DET1: variants seen among roughly 807,000 people sequenced by gnomAD.
DET1 encodes DET1 partner of COP1 E3 ubiquitin ligase, also known as DET1 homolog.
A neutral mutation model predicts 43.7 loss-of-function variants in DET1; 22 were observed. The observed-to-expected ratio is 0.50, with a 90% CI of 0.36 to 0.72. DET1 has a LOEUF of 0.72. Among genes scored for constraint, DET1 ranks in the 30% least tolerant of loss-of-function variants. DET1 has a pLI of 0.00. For synonymous variants in DET1, 315 were observed against 266.2 expected, an observed-to-expected ratio of 1.18 and a Z score of -1.79; for missense variants, 713 against 713.3, an observed-to-expected ratio of 1.00 and a Z score of 0.00.
chr15:88,539,102 TC>T (rs2057026846), intron 1 of DET1, among the ~76,000 whole-genome samples: 3 of 151,820 alleles, frequency 2.0e-5, no homozygotes, highest in Non-Finnish European at 4.4e-5. Flanking sequence ...CCGCTCTCTC[TC>T]TCTCTCTCTC....
At position 88,530,718 on chromosome 15, in the gene DET1, G is replaced by A. The variant is rs1481022573; in HGVS notation, c.988C>T (p.Arg330Ter). The A allele has an allele frequency of 1.2e-6, 2 of 1,613,904 alleles. No individual in the cohort carries two copies. Among genetic ancestry groups the A allele is most frequent in the Admixed American group, 1.7e-5 (1 of 60,008 alleles). Residue 330 changes from arginine to a stop codon, truncating the protein, a stop_gained, in exon 2 of 5, where the codon CGA (arginine) becomes TGA (stop). Transcript: ENST00000268148. LOFTEE classifies it high-confidence loss of function. ...FQYFDQLRQLRMWKMQLLDEN... is the reference protein window; with the variant it reads ...FQYFDQLRQL ...TCCAGAAGCTGCATTTTCCACATTC[G>A]CAGCTGCCGCAGTTGGTCAAAATAC...
At chr15:88,503,184 A>C (rs749689750) in intron 8 of DET1, 15 of 152,240 alleles carry the variant, frequency 9.9e-5, no homozygotes, top group Admixed American at 3.9e-4. Context: ...GAATCGCTTA[A>C]GTCTGGGAGG....
intron 7 of DET1, among the ~76,000 whole-genome samples, chr15:88,506,736 T>A (rs1318622920): frequency 3.9e-5 from 6 of 152,212 alleles, no homozygotes; most frequent in African/African-American, 1.4e-4. Flanking sequence ...CACTCATTTA[T>A]ACTGTGCTTC....
intron 1 of DET1, among the ~76,000 whole-genome samples, chr15:88,533,741 G>A (rs903264986): frequency 4.0e-5 from 6 of 151,236 alleles, no homozygotes; most frequent in African/African-American, 1.5e-4. Context: ...AAATTTAACA[G>A]CCAGGTGCCA....
At chr15:88,510,759 GTTT>G (rs796792971), downstream of DET1, among the ~76,000 whole-genome samples, 1 of 135,600 alleles carries the variant, frequency 7.4e-6, no homozygotes, top group African/African-American at 2.7e-5. Flanking sequence ...TTGTTGTTTT[GTTT>G]TTTTTTTTGT....
intron 3 of DET1, among the ~76,000 whole-genome samples, chr15:88,519,984 A>G (rs965704651): frequency 1.3e-5 from 2 of 152,168 alleles, no homozygotes; most frequent in South Asian, 2.1e-4. Context: ...AATGGAAGTT[A>G]GCAGAAGATA....
At chr15:88,526,063 G>A (rs1336625939) in intron 3 of DET1, among the ~76,000 whole-genome samples, 1 of 152,104 alleles carries the variant, frequency 6.6e-6, no homozygotes, top group Non-Finnish European at 1.5e-5. Context: ...TCTGACCCAT[G>A]TTCTGCATCT....
intron 1 of DET1, among the ~76,000 whole-genome samples, chr15:88,533,104 T>C (rs1261426375): frequency 6.6e-6 from 1 of 152,144 alleles, no homozygotes; most frequent in Admixed American, 6.5e-5. Context: ...AAAAATCATA[T>C]ACCCAATTTT....
At position 88,536,517 on chromosome 15, in the gene DET1, C is replaced by T. The variant is rs144116661; in HGVS notation, c.-10-4802G>A. 2.0e-3 allele frequency: 1,058 copies of T among 516,284 alleles called. 11 individuals carry two copies. Among genetic ancestry groups the T allele is most frequent in the African/African-American group, 0.019 (951 of 50,390 alleles). The allele number at this position is 516,284 out of a possible 1,614,324, so 32.0% of individuals were successfully genotyped here. On this transcript the variant is annotated intron_variant, in intron 1 of 4. Coordinates refer to ENST00000268148, the MANE Select transcript of DET1 (RefSeq NM_001144074.3). ...CAAACTGGCCGGGTGCAGTGGCTCA[C>T]GCCTGTAATACCAGCACTTTGGGAG...
chr15:88,535,356 G>GA (rs1032584076), intron 1 of DET1, among the ~76,000 whole-genome samples: 1 of 146,958 alleles, frequency 6.8e-6, no homozygotes, highest in Admixed American at 6.8e-5. Flanking sequence ...TAAAAAGACT[G>GA]AAAAAAAGTC....
At chr15:88,529,850 C>T (rs2056765701) in intron 2 of DET1, among the ~76,000 whole-genome samples, 1 of 152,214 alleles carries the variant, frequency 6.6e-6, no homozygotes, top group Non-Finnish European at 1.5e-5. Flanking sequence ...CCCTTAATTT[C>T]AACATAGTTT....
rs2056800125 is a variant in DET1, at chr15:88,531,090, T to A, written c.616A>T (p.Thr206Ser). The part of the protein sequence containing the change: ...IDLHTGRLCD[T>S]RTFKCDKVVL... The stretch of plus-strand genomic sequence containing the variant: ...ACCTTGTCACACTTGAACGTGCGTG[T>A]ATCACATAAGCGGCCGGTGTGAAGG... The change falls in exon 2 of 5, where the codon ACA becomes TCA. Residue 206 changes from threonine (T) to serine (S), a missense_variant. Transcript: ENST00000268148. The surrounding 1 kb of genome is among the most constrained non-coding windows in gnomAD (Gnocchi z 6.2). The A allele has an allele frequency of 6.2e-7, 1 of 1,613,852 alleles. No homozygotes were observed. Among genetic ancestry groups the A allele is most frequent in the African/African-American group, 1.3e-5 (1 of 74,908 alleles).
downstream of DET1, chr15:88,512,444 T>G (rs571498935): frequency 4.1e-6 from 4 of 986,006 alleles, no homozygotes; most frequent in East Asian, 1.1e-4. Context: ...GCATTGAGTA[T>G]GATAGGAACA....
downstream of DET1, among the ~76,000 whole-genome samples, chr15:88,507,851 G>A (rs537842488): frequency 1.6e-4 from 25 of 152,314 alleles, 1 homozygote; most frequent in South Asian, 4.8e-3. Context: ...CCTGGGCCAT[G>A]GACCAATACC....
intron 1 of DET1, among the ~76,000 whole-genome samples, chr15:88,542,421 T>A (rs1411481091): frequency 2.6e-5 from 4 of 152,148 alleles, no homozygotes; most frequent in Admixed American, 2.6e-4. Flanking sequence ...TCCAGGGGCC[T>A]GATGAGTCAC....
intron 2 of DET1, among the ~76,000 whole-genome samples, chr15:88,529,880 C>T (rs2056766331): frequency 6.6e-6 from 1 of 152,206 alleles, no homozygotes; most frequent in Admixed American, 6.5e-5. Flanking sequence ...CAAATCTTAG[C>T]AGTTCTGTGC....
downstream of DET1, among the ~76,000 whole-genome samples, chr15:88,512,185 C>G (rs1360698435): frequency 6.6e-6 from 1 of 152,226 alleles, no homozygotes; most frequent in African/African-American, 2.4e-5. Flanking sequence ...CCAAGGAGAG[C>G]TGCTCACTCT....
rs780304332 is a variant in DET1 at position 88,512,925 on chromosome 15, C to T, written c.*26G>A. On this transcript the variant is annotated 3_prime_UTR_variant, in exon 5 of 5. Coordinates refer to ENST00000268148, the MANE Select transcript of DET1 (RefSeq NM_001144074.3). Reference sequence around the variant, plus strand: ...AGTGAGTGGCAAAGTCTTGGAAGACCAGATAATCTGGCTCTGGTGAGGCAC... The same window carrying T: ...AGTGAGTGGCAAAGTCTTGGAAGACTAGATAATCTGGCTCTGGTGAGGCAC... The T allele has an allele frequency of 6.2e-7, 1 of 1,608,194 alleles. No individual in the cohort carries two copies. Among genetic ancestry groups the T allele is most frequent in the Non-Finnish European group, 8.5e-7 (1 of 1,175,418 alleles).
At chr15:88,534,549 T>A (rs1251594409) in intron 1 of DET1, among the ~76,000 whole-genome samples, 1 of 152,118 alleles carries the variant, frequency 6.6e-6, no homozygotes, top group Non-Finnish European at 1.5e-5. Flanking sequence ...TGGGGAGATA[T>A]CAGATGGGGA....
Sources: allele counts gnomAD v4.1 joint callset (sites outside exome capture counted in the v4.1 genomes callset), GRCh38; gene constraint gnomAD v4.1.1; non-coding constraint Gnocchi (gnomAD v3.1); transcripts MANE v1.5; gene names NCBI Gene and HGNC (gene_info 2026-07-23, HGNC 2026-07-21).